SPAG17: variants seen among roughly 807,000 people sequenced by gnomAD.
The protein encoded by SPAG17 is sperm-associated antigen 17.
Under a neutral mutation model 273.6 loss-of-function variants are expected in SPAG17, and 169 were observed. That is an observed-to-expected ratio of 0.62 (90% CI 0.55 to 0.70). The LOEUF is 0.70. Among genes scored for constraint, SPAG17 ranks in the 30% least tolerant of loss-of-function variants. SPAG17 has a pLI of 0.00. For synonymous variants in SPAG17, 825 were observed against 873.2 expected (o/e 0.94, Z 0.97); for missense variants, 2,557 against 2,627.8 (o/e 0.97, Z 0.59).
rs1248537858 is a variant in SPAG17, at chr1:118,129,509, G to A, written c.316-14068C>T. ...ATATACGCTAGATTTGAGAACCATT[G>A]TTTTGTACCTGGTTTCTTATGTGGC... On this transcript the variant is annotated intron_variant, in intron 3 of 48. Coordinates refer to ENST00000336338, the MANE Select transcript of SPAG17 (RefSeq NM_206996.4). Among the ~76,000 whole-genome samples the A allele has an allele frequency of 1.3e-5, 2 of 152,044 alleles. 1 individual carries two copies. Among genetic ancestry groups the A allele is most frequent in the South Asian group, 4.1e-4 (2 of 4,822 alleles).
In SPAG17 at chr1:117,986,069, T is replaced by C. The variant is rs142011659; in HGVS notation, c.5670-1287A>G. ...GAAGTGAAACAACCAGCCAGCATCATACGTTCTGTAAGTAATCAAATTGTA... is the reference window on the plus strand; with the variant it reads ...GAAGTGAAACAACCAGCCAGCATCACACGTTCTGTAAGTAATCAAATTGTA... On this transcript the variant is annotated intron_variant, in intron 40 of 48. Transcript: ENST00000336338. Among the ~76,000 whole-genome samples, 423 of 152,296 alleles carry C rather than the reference T, an allele frequency of 2.8e-3. 1 individual carries two copies. Among genetic ancestry groups the C allele is most frequent in the African/African-American group, 9.9e-3 (411 of 41,556 alleles).
At position 118,150,563 on chromosome 1, in the gene SPAG17, T is replaced by C; in HGVS notation, c.295A>G (p.Asn99Asp). 6.3e-7 allele frequency: 1 copy of C among 1,575,774 alleles called. No individual in the cohort carries two copies. Among genetic ancestry groups the C allele is most frequent in the Non-Finnish European group, 8.7e-7 (1 of 1,150,690 alleles). Reference sequence around the variant, plus strand: ...CTTACCTCATAATATAAAGGAGCATTACCACCTACAGGTTTTTTTGCCTTT... The same window carrying C: ...CTTACCTCATAATATAAAGGAGCATCACCACCTACAGGTTTTTTTGCCTTT... ...SKKAKKPVGG[N>D]APLYYEVLTA... Residue 99 changes from asparagine (N) to aspartate (D), a missense_variant, in exon 3 of 49, where the codon AAT (asparagine) becomes GAT (aspartate). Transcript: ENST00000336338.
rs1245857830 is a variant in SPAG17 at position 118,020,301 on chromosome 1, G to T, written c.4069+3003C>A. ...AAACAAAAATTAGCCAGCTTTGATG[G>T]CACGTGCCTGTAATCCCAGCCACTT... On this transcript the variant is annotated intron_variant, in intron 28 of 48. Transcript: ENST00000336338. Among the ~76,000 whole-genome samples, 5 of 152,146 alleles carry T rather than the reference G, an allele frequency of 3.3e-5. No individual in the cohort carries two copies. The South Asian group carries it at 8.3e-4, about 25-fold the overall frequency.
At chr1:118,048,881 G>A (rs866979661) in intron 20 of SPAG17, among the ~76,000 whole-genome samples, 2 of 152,134 alleles carry the variant, frequency 1.3e-5, no homozygotes, top group African/African-American at 4.8e-5. Context: ...GGGCGACAGA[G>A]CGAGACTCCA....
At chr1:118,109,891 A>C (rs2102242361) in intron 4 of SPAG17, among the ~76,000 whole-genome samples, 1 of 152,244 alleles carries the variant, frequency 6.6e-6, no homozygotes, top group Non-Finnish European at 1.5e-5. Flanking sequence ...GTTTTCACAA[A>C]ACTCCTTCAT....
Position 118,099,629 on chromosome 1 carries a change from T to C in SPAG17, c.806A>G (p.Gln269Arg), listed in dbSNP as rs1156494246. The C allele has an allele frequency of 3.1e-6, 5 of 1,613,978 alleles. No homozygotes were observed. Among genetic ancestry groups the C allele is most frequent in the East Asian group, 4.5e-5 (2 of 44,896 alleles). ...QTHLAAVNQQ[Q>R]EVLLQSEDLE... The stretch of plus-strand genomic sequence containing the variant: ...ACCTTCTGACTGAAGAAGAACTTCC[T>C]GCTGCTGGTTAACTGCTGCCAGGTG... Residue 269 changes from glutamine (Q) to arginine (R), a missense_variant, in exon 6 of 49, where the codon CAG becomes CGG. By Grantham distance (43) the Gln-to-Arg change is conservative (BLOSUM62 1). Coordinates refer to ENST00000336338, the MANE Select transcript of SPAG17 (RefSeq NM_206996.4).
At chr1:118,006,533 T>C (rs1279782646) in intron 31 of SPAG17, among the ~76,000 whole-genome samples, 1 of 152,248 alleles carries the variant, frequency 6.6e-6, no homozygotes, top group Non-Finnish European at 1.5e-5. Flanking sequence ...TTTGCTATTA[T>C]TAAAGATGTT....
rs374163676 is a variant in SPAG17 at position 117,996,633 on chromosome 1, C to A, written c.4887G>T (p.Lys1629Asn). ...GTTCACCATAGATTTGCTGATGATT[C>A]TTTTCAAGGTGCATAGAGGACAGAC... ...YDSLSSMHLE[K>N]NHQQIYGEHV... Residue 1629 changes from lysine (K) to asparagine (N), a missense_variant, in exon 33 of 49, where the codon AAG becomes AAT. Lys to Asn is a moderately conservative substitution (Grantham distance 94). Coordinates refer to ENST00000336338, the MANE Select transcript of SPAG17 (RefSeq NM_206996.4). 12 of 1,611,752 alleles carry A rather than the reference C, an allele frequency of 7.4e-6. No individual in the cohort carries two copies. The highest frequency in any genetic ancestry group is 1.7e-5 in the Admixed American group (1 of 59,584).
chr1:118,137,569 G>C (rs549690476), intron 3 of SPAG17, among the ~76,000 whole-genome samples: 19 of 152,336 alleles, frequency 1.2e-4, no homozygotes, highest in Non-Finnish European at 2.4e-4. Context: ...TTCTGAGTAA[G>C]AGTTTGTGTA....
At chr1:118,012,057 C>A (rs545740994) in intron 30 of SPAG17, among the ~76,000 whole-genome samples, 171 bp downstream of exon 30, 78 of 151,844 alleles carry the variant, frequency 5.1e-4, no homozygotes, top group African/African-American at 1.7e-3. Flanking sequence ...AATAATAATA[C>A]TACTAAATCC....
At position 118,039,301 on chromosome 1, in the gene SPAG17, G is replaced by T. The variant is rs1229282368; in HGVS notation, c.3310C>A (p.Leu1104Ile). ...CTAAACAGCAGCTTACCCGTTTCAAGACTTTGTTCCTCATCTCCTTCTTCT... is the reference window on the plus strand; with the variant it reads ...CTAAACAGCAGCTTACCCGTTTCAATACTTTGTTCCTCATCTCCTTCTTCT... The part of the protein sequence containing the change: ...EEEEGDEEQS[L>I]ETEVSDAKNK... The change falls in exon 23 of 49, where the codon CTT (leucine) becomes ATT (isoleucine). Residue 1104 changes from leucine (L) to isoleucine (I), a missense_variant. By Grantham distance (5) the Leu-to-Ile change is conservative. Coordinates refer to ENST00000336338, the MANE Select transcript of SPAG17 (RefSeq NM_206996.4). 1 of 1,612,610 alleles carries T rather than the reference G, an allele frequency of 6.2e-7. No individual in the cohort carries two copies. The highest frequency in any genetic ancestry group is 8.5e-7 in the Non-Finnish European group (1 of 1,179,240).
chr1:118,169,541 T>C (rs1268667982), intron 1 of SPAG17, among the ~76,000 whole-genome samples: 1 of 152,156 alleles, frequency 6.6e-6, no homozygotes, highest in Non-Finnish European at 1.5e-5. Flanking sequence ...ATCAAAAAGT[T>C]GAAAAACTCT....
At chr1:118,126,330 C>G (rs893335904) in intron 3 of SPAG17, among the ~76,000 whole-genome samples, 17 of 150,556 alleles carry the variant, frequency 1.1e-4, no homozygotes, top group Admixed American at 4.6e-4. Flanking sequence ...TTTAGTCTCC[C>G]GAGTAGCTGG....
chr1:118,024,137 G>A (rs190388847), intron 27 of SPAG17, among the ~76,000 whole-genome samples: 12 of 152,030 alleles, frequency 7.9e-5, no homozygotes, highest in Admixed American at 3.3e-4. Context: ...ATTATCATTC[G>A]GTTGCCCTGT....
chr1:118,126,306 T>C (rs1297990472), intron 3 of SPAG17, among the ~76,000 whole-genome samples: 2 of 148,654 alleles, frequency 1.3e-5, no homozygotes, highest in Non-Finnish European at 3.0e-5. Flanking sequence ...CCTGGGTTCA[T>C]GCCATTCTCC....
intron 1 of SPAG17, among the ~76,000 whole-genome samples, chr1:118,178,525 G>A (rs1434663418): frequency 6.6e-6 from 1 of 151,944 alleles, no homozygotes; most frequent in Non-Finnish European, 1.5e-5. Context: ...ATCTGGAATA[G>A]GATGAAAAGG....
At position 118,159,480 on chromosome 1, in the gene SPAG17, A is replaced by G. The variant is rs560164086; in HGVS notation, c.88-8111T>C. On this transcript the variant is annotated intron_variant, in intron 1 of 48. Coordinates refer to ENST00000336338, the MANE Select transcript of SPAG17 (RefSeq NM_206996.4). ...CAAAAGACTATTGCAGGACCCAAGA[A>G]TGAATACACTTAGGGTCCTTTTGTA... is the stretch of plus-strand genomic sequence containing the variant. Among the ~76,000 whole-genome samples the G allele has an allele frequency of 5.7e-4, 87 of 152,316 alleles. 1 individual carries two copies. The highest frequency in any genetic ancestry group is 2.0e-3 in the African/African-American group (84 of 41,568).
At chr1:117,959,362 T>C (rs1417698632) in intron 48 of SPAG17, 1 of 1,613,890 alleles carries the variant, frequency 6.2e-7, no homozygotes, top group African/African-American at 1.3e-5. Context: ...AGTGAAGTTA[T>C]GTTTTTTGCT....
At position 118,023,334 on chromosome 1, in the gene SPAG17, T is replaced by A. The variant is rs979115735; in HGVS notation, c.4039A>T (p.Ile1347Leu). 8 of 1,611,706 alleles carry A rather than the reference T, an allele frequency of 5.0e-6. No homozygotes were observed. In the African/African-American group the frequency reaches 1.1e-4, roughly 22 times the overall value. The change falls in exon 28 of 49, where the codon ATA becomes TTA. Residue 1347 changes from isoleucine to leucine, a missense_variant. By Grantham distance (5) the Ile-to-Leu change is conservative. Coordinates refer to ENST00000336338, the MANE Select transcript of SPAG17 (RefSeq NM_206996.4). ...DSISQQKSETIPSEITNTKKG... is the reference protein window; with the variant it reads ...DSISQQKSETLPSEITNTKKG... The stretch of plus-strand genomic sequence containing the variant: ...TTTGTGTTGGTAATCTCAGATGGTA[T>A]CGTTTCTGATTTCTGCTGAGAAATA...
Sources: gnomAD v4.1 joint callset for allele counts (sites outside exome capture counted in the v4.1 genomes callset) on GRCh38, gnomAD v4.1.1 for gene constraint, MANE v1.5 for transcripts, NCBI Gene and HGNC (gene_info 2026-07-23, HGNC 2026-07-21) for gene names.